Variants in RAPGEF4 observed in about 807,000 individuals in gnomAD.
RAPGEF4 encodes Rap guanine nucleotide exchange factor 4, also known as RAP guanine-nucleotide-exchange factor (GEF) 4.
A neutral mutation model predicts 147.9 loss-of-function variants in RAPGEF4; 66 were observed. That is an observed-to-expected ratio of 0.45 (90% CI 0.37 to 0.55). The LOEUF is 0.55. Among genes scored for constraint, RAPGEF4 ranks in the 20% least tolerant of loss-of-function variants. RAPGEF4 has a pLI of 0.00. For synonymous variants in RAPGEF4, 419 were observed against 442.7 expected, an observed-to-expected ratio of 0.95 and a Z score of 0.67; for missense variants, 1,071 against 1,257.3, an observed-to-expected ratio of 0.85 and a Z score of 2.24.
At chr2:172,899,471 A>G (rs1420653352) in intron 4 of RAPGEF4, among the ~76,000 whole-genome samples, 1 of 152,226 alleles carries the variant, frequency 6.6e-6, no homozygotes, top group African/African-American at 2.4e-5. Context: ...GGTTGGATAT[A>G]CGGTGTCCTT....
intron 29 of RAPGEF4, among the ~76,000 whole-genome samples, chr2:173,039,209 G>A (rs1235092562): frequency 1.3e-5 from 2 of 152,048 alleles, no homozygotes; most frequent in Admixed American, 6.5e-5. Flanking sequence ...TGTAATCCCA[G>A]CACTTTGGGA....
At chr2:172,996,650 T>C in intron 16 of RAPGEF4, 96 bp downstream of exon 16, 1 of 828,766 alleles carries the variant, frequency 1.2e-6, no homozygotes, top group Non-Finnish European at 1.9e-6. Context: ...CGAAAGCAGT[T>C]TGGGAAGGGG....
intron 10 of RAPGEF4, among the ~76,000 whole-genome samples, chr2:172,970,830 T>C (rs138252326): frequency 6.7e-4 from 102 of 152,296 alleles, no homozygotes; most frequent in Non-Finnish European, 1.2e-3. Flanking sequence ...ACATTCTGCA[T>C]GTGAAATTAG....
intron 1 of RAPGEF4, among the ~76,000 whole-genome samples, chr2:172,790,955 G>A (rs953693932): frequency 6.6e-6 from 1 of 152,166 alleles, no homozygotes; most frequent in East Asian, 1.9e-4. Flanking sequence ...CAGTTCTGGA[G>A]GCTGGGAAGT....
chr2:173,043,424 G>C (rs1262574257), intron 29 of RAPGEF4, among the ~76,000 whole-genome samples: 1 of 152,204 alleles, frequency 6.6e-6, no homozygotes, highest in African/African-American at 2.4e-5. Context: ...CAGAATAATA[G>C]GCTAAGAGGA....
intron 6 of RAPGEF4, among the ~76,000 whole-genome samples, chr2:172,945,441 T>C (rs1687589593): frequency 6.6e-6 from 1 of 152,162 alleles, no homozygotes; most frequent in Non-Finnish European, 1.5e-5. Context: ...AATTATTTGT[T>C]TGTATATTCT....
intron 11 of RAPGEF4, 36 bp from the exon 12 acceptor site, chr2:172,985,397 T>C (rs1692143604): frequency 6.2e-7 from 1 of 1,613,752 alleles, no homozygotes; most frequent in Admixed American, 1.7e-5. Flanking sequence ...GACCTGGAAA[T>C]GTGGCCTTTG....
intron 1 of RAPGEF4, among the ~76,000 whole-genome samples, chr2:172,786,708 C>G (rs542208148): frequency 1.6e-4 from 25 of 152,136 alleles, no homozygotes; most frequent in Admixed American, 1.2e-3. Flanking sequence ...GACCTTATCT[C>G]TACAAAAAAT....
rs114700765 is a variant in RAPGEF4 at position 172,987,130 on chromosome 2, T to A, written c.1151-1066T>A. On this transcript the variant is annotated intron_variant, in intron 12 of 30. Transcript: ENST00000397081. ...GAGTTCGAGATCAGCCTGGGGAACA[T>A]GGCGAAACCCTGTCTGTAAAAATTA... Among the ~76,000 whole-genome samples, 877 of 152,106 alleles carry A rather than the reference T, an allele frequency of 5.8e-3. 9 individuals are homozygous for A. The highest frequency in any genetic ancestry group is 0.017 in the African/African-American group (726 of 41,496).
chr2:173,000,941 G>C (rs1007096869), intron 16 of RAPGEF4, among the ~76,000 whole-genome samples: 2 of 151,404 alleles, frequency 1.3e-5, no homozygotes, highest in African/African-American at 4.9e-5. Context: ...CCATGTCTTC[G>C]TTCTGCATGT....
At chr2:172,985,645 A>G in intron 12 of RAPGEF4, 152 bp downstream of exon 12, 3 of 1,402,526 alleles carry the variant, frequency 2.1e-6, no homozygotes, top group Non-Finnish European at 2.9e-6. Context: ...GTTTTTCTGG[A>G]CCTGTGATTA....
chr2:173,042,102 C>G lies in RAPGEF4; in HGVS notation c.2853+5410C>G, dbSNP rs185413562. Among the ~76,000 whole-genome samples, 55 of 152,304 alleles carry G rather than the reference C, an allele frequency of 3.6e-4. 1 individual carries two copies. The highest frequency in any genetic ancestry group is 3.4e-3 in the Middle Eastern group (1 of 294). On this transcript the variant is annotated intron_variant, in intron 29 of 30. Coordinates refer to ENST00000397081, the MANE Select transcript of RAPGEF4 (RefSeq NM_007023.4). The surrounding 1 kb of genome is among the most constrained non-coding windows in gnomAD (Gnocchi z 4.2). ...TCCTGCCTCTTCAATGTCTTCCCTA[C>G]CAGAATGTAAGTGCCCTGGCCCAGG... is the stretch of plus-strand genomic sequence containing the variant.
At chr2:172,788,613 G>A (rs72902285) in intron 1 of RAPGEF4, among the ~76,000 whole-genome samples, 17,692 of 152,150 alleles carry the variant, frequency 0.12, 1,071 homozygotes, top group South Asian at 0.18. Flanking sequence ...CTGGCCAAGC[G>A]TGGTGGCTCA....
chr2:172,753,184 T>C (rs1391694562), intron 1 of RAPGEF4, among the ~76,000 whole-genome samples: 1 of 152,178 alleles, frequency 6.6e-6, no homozygotes, highest in African/African-American at 2.4e-5. Context: ...TTGAGTTATA[T>C]GAAATATCAT....
In RAPGEF4 at chr2:173,014,477, C is replaced by G. The variant is rs751881578; in HGVS notation, c.1672C>G (p.Pro558Ala). The G allele has an allele frequency of 9.0e-5, 145 of 1,613,814 alleles. No individual in the cohort carries two copies. The South Asian group carries it at 1.3e-3, about 15-fold the overall frequency. Residue 558 changes from proline (P) to alanine (A), a missense_variant, in exon 18 of 31, where the codon CCT (proline) becomes GCT (alanine). Coordinates refer to ENST00000397081, the MANE Select transcript of RAPGEF4 (RefSeq NM_007023.4). ...ACTCCTCGGCACCTACCACGCACAG[C>G]CTTCACAAGGTACAGAACAGGAGAA... is the stretch of plus-strand genomic sequence containing the variant. Reference protein sequence around the residue: ...PALVAHYHAQPSQGTEQEKMD... With the variant: ...PALVAHYHAQASQGTEQEKMD...
intron 17 of RAPGEF4, among the ~76,000 whole-genome samples, chr2:173,004,517 A>T (rs983191435): frequency 2.0e-5 from 3 of 152,088 alleles, no homozygotes; most frequent in Non-Finnish European, 2.9e-5. Context: ...TTTTCTATAC[A>T]TATAGATATA....
At chr2:172,947,181 A>G (rs1177601290) in intron 6 of RAPGEF4, among the ~76,000 whole-genome samples, 1 of 152,226 alleles carries the variant, frequency 6.6e-6, no homozygotes, top group East Asian at 1.9e-4. Flanking sequence ...TTGCAATGAA[A>G]TATGTGAATA....
At chr2:172,838,088 A>T (rs1457057187) in intron 4 of RAPGEF4, among the ~76,000 whole-genome samples, 1 of 151,470 alleles carries the variant, frequency 6.6e-6, no homozygotes, top group African/African-American at 2.5e-5. Context: ...GAATACCAGA[A>T]GGCTGAGGCA....
At chr2:172,836,910 G>A (rs564423140) in intron 4 of RAPGEF4, among the ~76,000 whole-genome samples, 2 of 152,326 alleles carry the variant, frequency 1.3e-5, no homozygotes, top group East Asian at 1.9e-4. Context: ...CATTGTTAGA[G>A]TTTATTCAGA....
Sources: gnomAD v4.1 joint callset for allele counts (sites outside exome capture counted in the v4.1 genomes callset) on GRCh38, gnomAD v4.1.1 for gene constraint, Gnocchi (gnomAD v3.1) non-coding constraint, MANE v1.5 for transcripts, NCBI Gene and HGNC (gene_info 2026-07-23, HGNC 2026-07-21) for gene names.